PLCG2: variants seen among roughly 807,000 people sequenced by gnomAD.
PLCG2 encodes the protein 1-phosphatidylinositol 4,5-bisphosphate phosphodiesterase gamma-2.
A neutral mutation model predicts 175.6 loss-of-function variants in PLCG2; 69 were observed. The ratio of observed to expected loss-of-function variants is 0.39; its 90% CI spans 0.32 to 0.48. The LOEUF is 0.48. Ranked by LOEUF, PLCG2 falls within the 20% of genes least tolerant of loss-of-function variation. The pLI, the probability that PLCG2 is intolerant of heterozygous loss-of-function variation, is 0.91. For missense variants in PLCG2, 1,798 were observed against 1,650.9 expected (o/e 1.09, Z -1.54); for synonymous variants, 827 against 624.0 (o/e 1.33, Z -4.85).
intron 29 of PLCG2, 33 bp from the exon 30 acceptor site, chr16:81,939,859 T>C (rs1213672112): frequency 6.6e-6 from 10 of 1,515,066 alleles, no homozygotes; most frequent in African/African-American, 5.5e-5. Flanking sequence ...GCAGCTCCAA[T>C]GTGGCCTCTC....
chr16:81,797,089 G>C (rs771493577), intron 2 of PLCG2, among the ~76,000 whole-genome samples: 7 of 152,232 alleles, frequency 4.6e-5, no homozygotes, highest in Non-Finnish European at 1.0e-4. Context: ...CCTGGGCCCT[G>C]AGGGTGTAAG....
At position 81,960,111 on chromosome 16, in the gene PLCG2, TCTC is replaced by T; in HGVS notation, c.*2116_*2118del. The T allele has an allele frequency of 4.6e-6, 1 of 219,684 alleles. No individual in the cohort carries two copies. The highest frequency in any genetic ancestry group is 2.2e-5 in the African/African-American group (1 of 44,654). 13.6% of individuals were successfully genotyped at this position (219,684 alleles called of 1,614,324 possible). A position where few individuals can be genotyped will look rare whatever the true frequency, so the allele number is the denominator to read the frequency against. On this transcript the variant is annotated 3_prime_UTR_variant, in exon 33 of 33. Transcript: ENST00000564138. ...AACCCTCTGCCTAAAACTGTCTCCT[TCTC>T]CTGGTGCTACAACCGGAATCCACCA...
intron 1 of PLCG2, among the ~76,000 whole-genome samples, chr16:81,782,527 C>G (rs1910785465): frequency 6.6e-6 from 1 of 152,202 alleles, no homozygotes; most frequent in Admixed American, 6.5e-5. Flanking sequence ...GAGACCTGAG[C>G]TGGGTGCTGG....
chr16:81,925,111 T>C (rs1200084110), intron 22 of PLCG2, among the ~76,000 whole-genome samples: 2 of 152,248 alleles, frequency 1.3e-5, no homozygotes, highest in African/African-American at 4.8e-5. Flanking sequence ...CATGCCTTTC[T>C]ATGCCTCTGA....
chr16:81,772,873 A>G (rs1372259445), intron 2 of PLCG2, among the ~76,000 whole-genome samples: 1 of 152,174 alleles, frequency 6.6e-6, no homozygotes, highest in Non-Finnish European at 1.5e-5. Flanking sequence ...TGGTGGGAAC[A>G]AAAGGGAGAC....
intron 13 of PLCG2, among the ~76,000 whole-genome samples, chr16:81,897,583 T>C (rs971889454): frequency 6.7e-6 from 1 of 149,244 alleles, no homozygotes; most frequent in African/African-American, 2.5e-5. Context: ...TCTCCCTCTG[T>C]CGCCCAGGCT....
chr16:81,781,865 T>TCCCCCCC (rs11355840), intron 1 of PLCG2, among the ~76,000 whole-genome samples: 6 of 36,668 alleles, frequency 1.6e-4, no homozygotes, highest in Admixed American at 1.0e-3. Flanking sequence ...TCATGTCCTT[T>TCCCCCCC]CCCCCCCCCC....
At chr16:81,941,843 G>A (rs1345275163) in intron 30 of PLCG2, among the ~76,000 whole-genome samples, 1 of 151,774 alleles carries the variant, frequency 6.6e-6, no homozygotes, top group East Asian at 1.9e-4. Flanking sequence ...GCTAATTTTT[G>A]TATTTTTAGT....
chr16:81,765,730 G>C (rs1346927419), intron 2 of PLCG2, among the ~76,000 whole-genome samples: 2 of 152,220 alleles, frequency 1.3e-5, no homozygotes, highest in Admixed American at 1.3e-4. Context: ...TGTTATAGCA[G>C]CTCTGGGAAA....
chr16:81,752,791 A>G (rs572032179), intron 1 of PLCG2, among the ~76,000 whole-genome samples: 12 of 152,318 alleles, frequency 7.9e-5, no homozygotes, highest in African/African-American at 2.9e-4. Context: ...TGGAAGCTCC[A>G]GCCTAGCACT....
rs1278551242 is a variant in PLCG2 at position 81,927,079 on chromosome 16, C to A, written c.2418-3C>A. ...CGCCCCCATGTCCTCTCTTCTTATC[C>A]AGGTGGAAAGGAGACTATGGAACCA... On this transcript the variant is annotated splice_region_variant and splice_polypyrimidine_tract_variant and intron_variant, in intron 22 of 32. Transcript: ENST00000564138. The A allele has an allele frequency of 6.2e-7, 1 of 1,603,826 alleles. No individual in the cohort carries two copies. The highest frequency in any genetic ancestry group is 1.1e-5 in the South Asian group (1 of 90,830).
At chr16:81,936,139 A>G (rs1414753774) in intron 26 of PLCG2, 30 bp from the exon 27 acceptor site, 1 of 1,612,132 alleles carries the variant, frequency 6.2e-7, no homozygotes, top group Non-Finnish European at 8.5e-7. Flanking sequence ...GAGACACAGA[A>G]GTACTGATGA....
At chr16:81,840,973 G>A (rs933444350) in intron 2 of PLCG2, among the ~76,000 whole-genome samples, 9 of 152,278 alleles carry the variant, frequency 5.9e-5, no homozygotes, top group Middle Eastern at 3.4e-3. Context: ...AGTTTCCCCA[G>A]TATCACTTAA....
chr16:81,881,922 G>GA (rs1409874564), intron 8 of PLCG2, among the ~76,000 whole-genome samples: 2 of 152,128 alleles, frequency 1.3e-5, no homozygotes, highest in Admixed American at 1.3e-4. Flanking sequence ...GAAGTGCTGG[G>GA]ATTACAGGCA....
intron 2 of PLCG2, among the ~76,000 whole-genome samples, chr16:81,841,606 A>G (rs1386717536): frequency 6.6e-6 from 1 of 152,034 alleles, no homozygotes; most frequent in Non-Finnish European, 1.5e-5. Flanking sequence ...TTCTTTTTCC[A>G]TTTCATAGAT....
In PLCG2 at chr16:81,900,795, T is replaced by C; in HGVS notation, c.1362+15T>C. On this transcript the variant is annotated intron_variant, in intron 14 of 32. Transcript: ENST00000564138. The stretch of plus-strand genomic sequence containing the variant: ...TCATCATCAAGGTAGGCACCCCGGG[T>C]GCTGCTGTTGGCTGTCCAGGGAGCC... 6.3e-7 allele frequency: 1 copy of C among 1,589,970 alleles called. No homozygotes were observed. The highest frequency in any genetic ancestry group is 8.6e-7 in the Non-Finnish European group (1 of 1,160,692).
intron 2 of PLCG2, among the ~76,000 whole-genome samples, chr16:81,806,955 C>T (rs976302183): frequency 6.6e-6 from 1 of 152,092 alleles, no homozygotes; most frequent in Admixed American, 6.5e-5. Context: ...CAAGCTTTTC[C>T]TCCAGGGAGC....
intron 2 of PLCG2, among the ~76,000 whole-genome samples, chr16:81,841,935 C>G (rs1346513221): frequency 2.0e-5 from 3 of 152,228 alleles, no homozygotes; most frequent in African/African-American, 7.2e-5. Context: ...AGCTGGGAAG[C>G]TGGTGTTGCA....
chr16:81,767,202 T>C (rs1377130767), intron 2 of PLCG2, among the ~76,000 whole-genome samples: 1 of 132,798 alleles, frequency 7.5e-6, no homozygotes, highest in African/African-American at 2.8e-5. Flanking sequence ...TGGAGTGCAG[T>C]GGTGCAATCT....
Sources: gnomAD v4.1 joint callset for allele counts (sites outside exome capture counted in the v4.1 genomes callset) on GRCh38, gnomAD v4.1.1 for gene constraint, MANE v1.5 for transcripts, NCBI Gene and HGNC (gene_info 2026-07-23, HGNC 2026-07-21) for gene names.